The following MALRD1 variants were observed in gnomAD, a reference collection of about 807,000 sequenced individuals.
MALRD1 encodes the protein MAM and LDL-receptor class A domain-containing protein 1.
A neutral mutation model predicts 242.1 loss-of-function variants in MALRD1; 247 were observed. The observed-to-expected ratio is 1.02, with a 90% CI of 0.92 to 1.13. The LOEUF is 1.13. MALRD1 is among the 50% of genes most tolerant of loss of function. The pLI is 0.00. For synonymous variants in MALRD1, 995 were observed against 866.6 expected, an observed-to-expected ratio of 1.15 and a Z score of -2.60; for missense variants, 2,989 against 2,533.1, an observed-to-expected ratio of 1.18 and a Z score of -3.86.
chr10:19,223,627 T>C (rs984203551), intron 18 of MALRD1, among the ~76,000 whole-genome samples: 1 of 152,182 alleles, frequency 6.6e-6, no homozygotes. Flanking sequence ...ATACATGTGC[T>C]GTCGTGGTTT....
chr10:19,073,761 G>A (rs1835231186), intron 2 of MALRD1, among the ~76,000 whole-genome samples: 1 of 152,096 alleles, frequency 6.6e-6, no homozygotes, highest in Non-Finnish European at 1.5e-5. Context: ...CCTGTATTAA[G>A]TTACAGGCTA....
chr10:19,452,149 A>G (rs1169167603), intron 29 of MALRD1, among the ~76,000 whole-genome samples: 1 of 152,220 alleles, frequency 6.6e-6, no homozygotes, highest in Admixed American at 6.5e-5. Context: ...TTTCTCTAAG[A>G]TTTTAGAAAG....
chr10:19,389,467 T>C lies in MALRD1; in HGVS notation c.4703T>C (p.Leu1568Pro), dbSNP rs1278989022. 1.3e-6 allele frequency: 2 copies of C among 1,550,328 alleles called. No individual in the cohort carries two copies. Among genetic ancestry groups the C allele is most frequent in the Non-Finnish European group, 1.7e-6 (2 of 1,146,892 alleles). The change falls in exon 28 of 40, where the codon CTG becomes CCG. Residue 1568 changes from leucine (L) to proline (P), a missense_variant. Physicochemically the swap from Leu to Pro is moderately conservative, Grantham distance 98 (BLOSUM62 -3). Transcript: ENST00000454679. ...LGNENGHFMY[L>P]EATAVGLRGD... ...TTGTTCCTAGGGCACTTCATGTATCTGGAAGCTACTGCAGTGGGCCTTCGG... is the reference window on the plus strand; with the variant it reads ...TTGTTCCTAGGGCACTTCATGTATCCGGAAGCTACTGCAGTGGGCCTTCGG...
At chr10:19,088,214 C>A in intron 4 of MALRD1, 29 bp downstream of exon 4, 2 of 1,231,378 alleles carry the variant, frequency 1.6e-6, no homozygotes, top group Non-Finnish European at 2.0e-6. Flanking sequence ...CTAACTATGG[C>A]CTTGAAGAAA....
chr10:19,346,595 C>T (rs928392254), intron 24 of MALRD1, among the ~76,000 whole-genome samples: 9 of 152,078 alleles, frequency 5.9e-5, no homozygotes, highest in South Asian at 2.1e-4. Flanking sequence ...GAATTATTGT[C>T]GTTAAAGAAT....
chr10:19,709,211 G>A (rs1432137501), intron 38 of MALRD1, among the ~76,000 whole-genome samples: 1 of 138,774 alleles, frequency 7.2e-6, no homozygotes, highest in Non-Finnish European at 1.5e-5. Context: ...TTCAAGACCA[G>A]CTTGGCTAAC....
At chr10:19,424,949 A>T (rs1334843459) in intron 28 of MALRD1, among the ~76,000 whole-genome samples, 1 of 152,196 alleles carries the variant, frequency 6.6e-6, no homozygotes, top group Non-Finnish European at 1.5e-5. Context: ...AAAAAAATAA[A>T]AAATAAAGGC....
intron 13 of MALRD1, among the ~76,000 whole-genome samples, chr10:19,172,690 A>G (rs1263852733): frequency 6.6e-6 from 1 of 151,446 alleles, no homozygotes; most frequent in Non-Finnish European, 1.5e-5. Context: ...GTTTTCTCTG[A>G]GTAGCACAGA....
At chr10:19,670,725 A>T (rs557264703) in intron 36 of MALRD1, among the ~76,000 whole-genome samples, 2 of 152,294 alleles carry the variant, frequency 1.3e-5, no homozygotes, top group East Asian at 3.9e-4. Flanking sequence ...TGTCTTTCTC[A>T]ACACATACAC....
chr10:19,611,321 A>G lies in MALRD1; in HGVS notation c.6070+3419A>G, dbSNP rs533273142. Among the ~76,000 whole-genome samples, 5 of 152,116 alleles carry G rather than the reference A, an allele frequency of 3.3e-5. No homozygotes were observed. In the South Asian group the frequency reaches 1.0e-3, roughly 32 times the overall value. ...AGCAAACTAGTATATAGCACCTGTC[A>G]CTTCCCTAGTCTCTGCGTACATTAA... On this transcript the variant is annotated intron_variant, in intron 35 of 39. Coordinates refer to ENST00000454679, the MANE Select transcript of MALRD1 (RefSeq NM_001142308.3).
chr10:19,531,326 A>T lies in MALRD1; in HGVS notation c.5453A>T (p.Asp1818Val), dbSNP rs41276112. Reference protein sequence around the residue: ...CTVRFWFYMIDPRSMGILKVY... With the variant: ...CTVRFWFYMIVPRSMGILKVY... ...GTTCGGTTCTGGTTCTACATGATTG[A>T]TCCCAGGAGTATGGGAATATTAAAG... The change falls in exon 32 of 40, where the codon GAT becomes GTT. Residue 1818 changes from aspartate (D) to valine (V), a missense_variant. By Grantham distance (152) the Asp-to-Val change is radical. Coordinates refer to ENST00000454679, the MANE Select transcript of MALRD1 (RefSeq NM_001142308.3). 62,982 of 1,546,784 alleles carry T rather than the reference A, an allele frequency of 0.041. 1,450 individuals are homozygous for T. The highest frequency in any genetic ancestry group is 0.048 in the Non-Finnish European group (54,513 of 1,144,332).
intron 29 of MALRD1, among the ~76,000 whole-genome samples, chr10:19,459,663 A>T (rs1317627342): frequency 6.6e-6 from 1 of 152,104 alleles, no homozygotes; most frequent in Admixed American, 6.6e-5. Flanking sequence ...GTATTCAAGT[A>T]AACCATTTGT....
At chr10:19,311,013 C>CCT (rs1842403608) in intron 21 of MALRD1, among the ~76,000 whole-genome samples, 1 of 151,236 alleles carries the variant, frequency 6.6e-6, no homozygotes, top group Admixed American at 6.6e-5. Flanking sequence ...GAGAAGGATA[C>CCT]CTTGAATGAT....
chr10:19,505,900 A>T (rs191491175), intron 31 of MALRD1, among the ~76,000 whole-genome samples: 1 of 152,166 alleles, frequency 6.6e-6, no homozygotes, highest in South Asian at 2.1e-4. Context: ...GATCATCACA[A>T]TAGGGAGTGG....
At chr10:19,189,076 G>C (rs542652752) in intron 14 of MALRD1, among the ~76,000 whole-genome samples, 1 of 152,014 alleles carries the variant, frequency 6.6e-6, no homozygotes. Flanking sequence ...GAGAGACAAA[G>C]AGAGAGAGAA....
chr10:19,402,804 C>T (rs532777297), intron 28 of MALRD1, among the ~76,000 whole-genome samples: 1 of 152,122 alleles, frequency 6.6e-6, no homozygotes, highest in East Asian at 1.9e-4. Flanking sequence ...GAATGCTTGT[C>T]TCCCTCCATC....
intron 19 of MALRD1, among the ~76,000 whole-genome samples, chr10:19,265,274 G>T (rs1839925327): frequency 6.6e-6 from 1 of 151,268 alleles, no homozygotes; most frequent in African/African-American, 2.4e-5. Context: ...AGCTTAGTTT[G>T]TTCTTTTTCA....
chr10:19,421,211 G>GTGTA, intron 28 of MALRD1, among the ~76,000 whole-genome samples: 1 of 152,264 alleles, frequency 6.6e-6, no homozygotes, highest in South Asian at 2.1e-4. Flanking sequence ...CTGTTTGTGT[G>GTGTA]TGTATGTGTA....
chr10:19,584,158 A>T (rs960980567), intron 33 of MALRD1, among the ~76,000 whole-genome samples: 8 of 150,350 alleles, frequency 5.3e-5, no homozygotes, highest in Non-Finnish European at 1.2e-4. Flanking sequence ...AATTTTGTTG[A>T]TCCTTTCAAA....
Sources: allele counts gnomAD v4.1 joint callset (sites outside exome capture counted in the v4.1 genomes callset), GRCh38; gene constraint gnomAD v4.1.1; transcripts MANE v1.5; gene names NCBI Gene and HGNC (gene_info 2026-07-23, HGNC 2026-07-21).